Variants in SYN3 observed in about 807,000 individuals in gnomAD.
The protein encoded by SYN3 is synapsin-3.
In SYN3, 35 loss-of-function variants were observed where a neutral mutation model predicts 65.8. That is an observed-to-expected ratio of 0.53 (90% CI 0.41 to 0.70). SYN3 has a LOEUF of 0.70. Among genes scored for constraint, SYN3 ranks in the 30% least tolerant of loss-of-function variants. The probability of loss-of-function intolerance (pLI) is 0.00; values close to 1 mark genes in which losing one functional copy is unlikely to be tolerated. For synonymous variants in SYN3, 270 were observed against 292.9 expected (o/e 0.92, Z 0.80); for missense variants, 680 against 749.0 (o/e 0.91, Z 1.08).
intron 4 of SYN3, among the ~76,000 whole-genome samples, chr22:32,893,174 C>T (rs1427235264): frequency 6.6e-6 from 1 of 152,176 alleles, no homozygotes; most frequent in African/African-American, 2.4e-5. Flanking sequence ...TCTTCATCTG[C>T]ACTTCCTCCA....
intron 2 of SYN3, among the ~76,000 whole-genome samples, chr22:32,993,558 C>T (rs183699051): frequency 5.9e-5 from 9 of 152,176 alleles, no homozygotes; most frequent in Non-Finnish European, 1.0e-4. Flanking sequence ...ATTGGCCAGG[C>T]TGGTCTCGAA....
At chr22:32,706,629 G>A (rs1475740612) in intron 6 of SYN3, among the ~76,000 whole-genome samples, 1 of 152,170 alleles carries the variant, frequency 6.6e-6, no homozygotes, top group African/African-American at 2.4e-5. Context: ...CAAAGAGACG[G>A]GGCAGCTGAG....
intron 6 of SYN3, among the ~76,000 whole-genome samples, chr22:32,662,179 T>C (rs934209096): frequency 6.6e-6 from 1 of 152,166 alleles, no homozygotes; most frequent in East Asian, 1.9e-4. Flanking sequence ...CCCCTATGCA[T>C]CCACTCCTAC....
At chr22:32,708,606 G>C (rs1205204964) in intron 6 of SYN3, among the ~76,000 whole-genome samples, 2 of 152,166 alleles carry the variant, frequency 1.3e-5, no homozygotes, top group South Asian at 4.1e-4. Flanking sequence ...GACCCTACCC[G>C]GTGGTTTGGG....
intron 12 of SYN3, among the ~76,000 whole-genome samples, chr22:32,523,376 G>A (rs530277349): frequency 6.6e-6 from 1 of 152,272 alleles, no homozygotes; most frequent in East Asian, 1.9e-4. Flanking sequence ...AGCTGGGTGT[G>A]GTGGCATGCA....
intron 4 of SYN3, among the ~76,000 whole-genome samples, chr22:32,889,828 CCTAA>C (rs2049393393): frequency 6.6e-6 from 1 of 151,584 alleles, no homozygotes; most frequent in African/African-American, 2.4e-5. Context: ...TTTGGATTTT[CCTAA>C]CTTTTTATCA....
chr22:32,564,962 ACCCAAACAGTGCTCCTG>A, intron 7 of SYN3, among the ~76,000 whole-genome samples: 1 of 145,374 alleles, frequency 6.9e-6, no homozygotes, highest in South Asian at 2.3e-4. Flanking sequence ...CCTGGACTGC[ACCCAAACAGTGCTCCTG>A]GACTGCACCC....
At chr22:32,591,140 C>T (rs760196680) in intron 7 of SYN3, among the ~76,000 whole-genome samples, 2 of 152,110 alleles carry the variant, frequency 1.3e-5, no homozygotes, top group Non-Finnish European at 2.9e-5. Context: ...TCTAAGGTCT[C>T]ACAACTATTA....
At chr22:32,543,689 G>C (rs977079611) in intron 7 of SYN3, among the ~76,000 whole-genome samples, 1 of 152,172 alleles carries the variant, frequency 6.6e-6, no homozygotes, top group Non-Finnish European at 1.5e-5. Context: ...CTTTGCTCCA[G>C]TCTGTCGTGC....
At chr22:32,779,269 G>A (rs2045977138) in intron 6 of SYN3, among the ~76,000 whole-genome samples, 1 of 152,026 alleles carries the variant, frequency 6.6e-6, no homozygotes. Context: ...AGACCAGCCT[G>A]GACAACATGG....
At chr22:32,600,075 T>C (rs73881755) in intron 6 of SYN3, among the ~76,000 whole-genome samples, 1,712 of 152,266 alleles carry the variant, frequency 0.011, 25 homozygotes, top group African/African-American at 0.04. Flanking sequence ...ATTGCATTTA[T>C]TGTGCATTTT....
In SYN3 at chr22:32,509,475, A is replaced by G. The variant is rs767464548; in HGVS notation, c.*4217T>C. Among the ~76,000 whole-genome samples the G allele has an allele frequency of 5.2e-4, 79 of 152,096 alleles. No individual in the cohort carries two copies. The highest frequency in any genetic ancestry group is 5.9e-4 in the Non-Finnish European group (40 of 67,914). On this transcript the variant is annotated 3_prime_UTR_variant, in exon 14 of 14. Coordinates refer to ENST00000358763, the MANE Select transcript of SYN3 (RefSeq NM_003490.4). ...GTTTGGAAGGAACAGGTACTAGTCT[A>G]TGTGACAGAACAGACTATTTTAGGG...
At chr22:33,000,904 G>A (rs993276264) in intron 2 of SYN3, among the ~76,000 whole-genome samples, 4 of 152,176 alleles carry the variant, frequency 2.6e-5, no homozygotes, top group Admixed American at 6.5e-5. Context: ...TGGTGGCAGG[G>A]GACAGGCATT....
At chr22:32,573,453 T>C (rs529852499) in intron 7 of SYN3, among the ~76,000 whole-genome samples, 7 of 152,090 alleles carry the variant, frequency 4.6e-5, no homozygotes, top group African/African-American at 1.2e-4. Context: ...GGACACAAAA[T>C]AGAAAGGGAA....
At chr22:32,591,885 A>G (rs998676946) in intron 7 of SYN3, among the ~76,000 whole-genome samples, 1 of 152,132 alleles carries the variant, frequency 6.6e-6, no homozygotes, top group Non-Finnish European at 1.5e-5. Context: ...GTGAATCATC[A>G]CTGCGTCCAG....
chr22:32,837,834 C>G lies in SYN3; in HGVS notation c.711+27081G>C, dbSNP rs1226887389. On this transcript the variant is annotated intron_variant, in intron 6 of 13. Coordinates refer to ENST00000358763, the MANE Select transcript of SYN3 (RefSeq NM_003490.4). The surrounding 1 kb of genome is among the most constrained non-coding windows in gnomAD (Gnocchi z 4.1). ...ACCCAACCTACCAAGCTGGGAGTTA[C>G]CGCCCACTGCAAGGCACCCCTGTAC... Among the ~76,000 whole-genome samples the G allele has an allele frequency of 6.6e-6, 1 of 152,154 alleles. No individual in the cohort carries two copies. The highest frequency in any genetic ancestry group is 2.4e-5 in the African/African-American group (1 of 41,430).
intron 6 of SYN3, among the ~76,000 whole-genome samples, chr22:32,814,890 A>G (rs1485607725): frequency 6.6e-6 from 1 of 152,252 alleles, no homozygotes; most frequent in Non-Finnish European, 1.5e-5. Flanking sequence ...TCATGTTTAA[A>G]AAAACGAGGA....
At chr22:32,618,091 G>C (rs2059545140) in intron 6 of SYN3, among the ~76,000 whole-genome samples, 1 of 152,106 alleles carries the variant, frequency 6.6e-6, no homozygotes, top group African/African-American at 2.4e-5. Flanking sequence ...ATGACGCCTG[G>C]TAATAAACCA....
chr22:32,973,852 G>A (rs753529202), intron 3 of SYN3, among the ~76,000 whole-genome samples: 1 of 152,182 alleles, frequency 6.6e-6, no homozygotes, highest in African/African-American at 2.4e-5. Flanking sequence ...CAGGCTGGAC[G>A]ATCTTCGCCC....
Sources: gnomAD v4.1 joint callset for allele counts (sites outside exome capture counted in the v4.1 genomes callset) on GRCh38, gnomAD v4.1.1 for gene constraint, Gnocchi (gnomAD v3.1) non-coding constraint, MANE v1.5 for transcripts, NCBI Gene and HGNC (gene_info 2026-07-23, HGNC 2026-07-21) for gene names.